Variants in NEXMIF observed in about 807,000 individuals in gnomAD.
NEXMIF encodes the protein XLMR protein related to neurite extension.
A neutral mutation model predicts 62.1 loss-of-function variants in NEXMIF; 8 were observed. That is an observed-to-expected ratio of 0.13 (90% CI 0.08 to 0.23). NEXMIF has a LOEUF of 0.23. Ranked by LOEUF, NEXMIF falls within the 10% of genes least tolerant of loss-of-function variation. NEXMIF has a pLI of 1.00. For synonymous variants in NEXMIF, 404 were observed against 416.6 expected, an observed-to-expected ratio of 0.97 and a Z score of 0.37; for missense variants, 976 against 1,113.3, an observed-to-expected ratio of 0.88 and a Z score of 1.75.
At chrX:74,832,797 T>A (rs1239394670) in intron 1 of NEXMIF, among the ~76,000 whole-genome samples, 1 of 111,572 alleles carries the variant, frequency 9.0e-6, no homozygotes, top group Non-Finnish European at 1.9e-5. Context: ...GTGTCCCACA[T>A]GTTTTTGTAT....
intron 1 of NEXMIF, among the ~76,000 whole-genome samples, chrX:74,788,164 C>A (rs2080266763): frequency 9.0e-6 from 1 of 111,600 alleles, no homozygotes; most frequent in African/African-American, 3.3e-5. Context: ...ACTGCTACAC[C>A]AAAAATTAAA....
intron 1 of NEXMIF, among the ~76,000 whole-genome samples, chrX:74,878,058 A>T (rs1329204984): frequency 1.8e-5 from 2 of 111,531 alleles, no homozygotes; most frequent in Non-Finnish European, 1.9e-5. Flanking sequence ...GGAGGAGGAG[A>T]GTCGCTCTGC....
chrX:74,902,171 A>G (rs1427313128), intron 1 of NEXMIF, among the ~76,000 whole-genome samples: 2 of 110,188 alleles, frequency 1.8e-5, no homozygotes, highest in East Asian at 5.7e-4. Flanking sequence ...AAAAAAGGTA[A>G]TAAATGGGAT....
At chrX:74,819,130 T>G (rs1042150739) in intron 1 of NEXMIF, among the ~76,000 whole-genome samples, 1 of 112,059 alleles carries the variant, frequency 8.9e-6, no homozygotes, top group Non-Finnish European at 1.9e-5. Flanking sequence ...TGGCTAGCCG[T>G]ATGTAGAAAG....
chrX:74,892,505 G>A (rs762388217), intron 1 of NEXMIF, among the ~76,000 whole-genome samples: 200 of 112,059 alleles, frequency 1.8e-3, no homozygotes, highest in Middle Eastern at 4.7e-3. Flanking sequence ...TAGTCTTAGA[G>A]GCTTTGCCCT....
At chrX:74,908,278 G>T (rs1049665808) in intron 1 of NEXMIF, among the ~76,000 whole-genome samples, 2 of 112,021 alleles carry the variant, frequency 1.8e-5, no homozygotes, top group African/African-American at 6.5e-5. Context: ...TCTAGTATAT[G>T]GCCTGGTTGT....
chrX:74,876,405 T>C (rs141126391), intron 1 of NEXMIF, among the ~76,000 whole-genome samples: 1,154 of 111,747 alleles, frequency 0.01, 17 homozygotes, highest in African/African-American at 0.035. Context: ...ACTGCTTTGC[T>C]TCCAAGTATA....
chrX:74,886,147 C>T (rs1434364919), intron 1 of NEXMIF, among the ~76,000 whole-genome samples: 2 of 111,461 alleles, frequency 1.8e-5, no homozygotes, highest in African/African-American at 3.3e-5. Context: ...TGGGACGTAT[C>T]TCAAGATAAT....
intron 1 of NEXMIF, among the ~76,000 whole-genome samples, chrX:74,896,234 C>T (rs2080732515): frequency 8.9e-6 from 1 of 111,953 alleles, no homozygotes; most frequent in African/African-American, 3.3e-5. Context: ...CCATCCTTGT[C>T]ACCAAAGTTG....
At position 74,739,506 on chromosome X, in the gene NEXMIF, A is replaced by G; in HGVS notation, c.4458-8T>C. On this transcript the variant is annotated splice_region_variant and splice_polypyrimidine_tract_variant and intron_variant, in intron 3 of 3. Transcript: ENST00000055682. ...AGATTGTAGTCGGAATCCCTGCAGA[A>G]AAATCAAACAATTTATGCCATCTGA... The G allele has an allele frequency of 1.8e-6, 2 of 1,135,135 alleles. No individual in the cohort carries two copies. The highest frequency in any genetic ancestry group is 2.4e-6 in the Non-Finnish European group (2 of 832,738). 93.5% of individuals were successfully genotyped at this position (1,135,135 alleles called of 1,213,427 possible).
intron 1 of NEXMIF, among the ~76,000 whole-genome samples, chrX:74,910,810 T>C (rs972651477): frequency 2.7e-4 from 30 of 111,514 alleles, no homozygotes; most frequent in African/African-American, 9.5e-4. Context: ...TCTTGCAAGA[T>C]CTGACGGTTT....
intron 1 of NEXMIF, among the ~76,000 whole-genome samples, chrX:74,759,659 G>A (rs1308031218): frequency 8.9e-6 from 1 of 111,914 alleles, no homozygotes; most frequent in Non-Finnish European, 1.9e-5. Flanking sequence ...TTTACCCATT[G>A]CTTGTTTTTG....
intron 1 of NEXMIF, among the ~76,000 whole-genome samples, chrX:74,756,428 C>T (rs1317436457): frequency 9.0e-6 from 1 of 111,350 alleles, no homozygotes; most frequent in Non-Finnish European, 1.9e-5. Context: ...CACCCAGGAA[C>T]CCAAACACAC....
intron 1 of NEXMIF, among the ~76,000 whole-genome samples, chrX:74,862,249 T>C (rs1446626308): frequency 9.0e-6 from 1 of 110,714 alleles, no homozygotes; most frequent in Non-Finnish European, 1.9e-5. Flanking sequence ...AAGAGGGACA[T>C]TACATAATGG....
intron 1 of NEXMIF, among the ~76,000 whole-genome samples, chrX:74,852,784 A>AG (rs1166867201): frequency 8.9e-6 from 1 of 111,802 alleles, no homozygotes; most frequent in Non-Finnish European, 1.9e-5. Flanking sequence ...CAAAACTTAC[A>AG]GGACACACAA....
chrX:74,748,733 A>G (rs941041590), intron 1 of NEXMIF, among the ~76,000 whole-genome samples: 1 of 111,694 alleles, frequency 9.0e-6, no homozygotes, highest in Non-Finnish European at 1.9e-5. Flanking sequence ...GGGCTTGAGA[A>G]AGGCTCATAG....
rs868090144 is a variant in NEXMIF, at chrX:74,751,679, C to T, written c.-47-5982G>A. Among the ~76,000 whole-genome samples the T allele has an allele frequency of 8.4e-5, 7 of 83,513 alleles. No individual in the cohort carries two copies. In the East Asian group the frequency reaches 9.7e-3, roughly 116 times the overall value. 72.5% of individuals were successfully genotyped at this position (83,513 alleles called of 115,157 possible). ...TTCCTTTCCTTCCTTCCTTCCCTCC[C>T]TCCCTCCCTCTTTTCTTCCTTCCTT... is the stretch of plus-strand genomic sequence containing the variant. On this transcript the variant is annotated intron_variant, in intron 1 of 3. Transcript: ENST00000055682.
rs1353772204 is a variant in NEXMIF at position 74,873,824 on chromosome X, C to G, written c.-48+51059G>C. Reference sequence around the variant, plus strand: ...AATGTCTGTTCATGTCCTTCACCCACTTTTTGATGGGGTTGTTTGTTTTTT... The same window carrying G: ...AATGTCTGTTCATGTCCTTCACCCAGTTTTTGATGGGGTTGTTTGTTTTTT... On this transcript the variant is annotated intron_variant, in intron 1 of 3. Coordinates refer to ENST00000055682, the MANE Select transcript of NEXMIF (RefSeq NM_001008537.3). 5.4e-5 allele frequency among the ~76,000 whole-genome samples: 6 copies of G among 111,544 alleles called. No individual in the cohort carries two copies. The East Asian group carries it at 1.7e-3, about 31-fold the overall frequency.
At chrX:74,840,579 T>C (rs1181082569) in intron 1 of NEXMIF, among the ~76,000 whole-genome samples, 1 of 112,195 alleles carries the variant, frequency 8.9e-6, no homozygotes, top group African/African-American at 3.2e-5. Flanking sequence ...TCTAGGATGG[T>C]ATTGCCTAGG....
Sources: gnomAD v4.1 joint callset for allele counts (sites outside exome capture counted in the v4.1 genomes callset) on GRCh38, gnomAD v4.1.1 for gene constraint, MANE v1.5 for transcripts, NCBI Gene and HGNC (gene_info 2026-07-23, HGNC 2026-07-21) for gene names.